MSI2: variants seen among roughly 807,000 people sequenced by gnomAD.
MSI2 encodes musashi RNA binding protein 2.
MSI2 carries 17 observed loss-of-function variants against 45.6 expected under a neutral mutation model. That is an observed-to-expected ratio of 0.37 (90% confidence interval 0.26 to 0.56). The LOEUF is 0.56. MSI2 is among the 20% of genes least tolerant of loss of function. The pLI, the probability that MSI2 is intolerant of heterozygous loss-of-function variation, is 0.77. For synonymous variants in MSI2, 156 were observed against 158.2 expected (o/e 0.99, Z 0.11); for missense variants, 293 against 444.2 (o/e 0.66, Z 3.06).
intron 6 of MSI2, chr17:57,449,169 A>T (rs2084951687): frequency 6.6e-6 from 1 of 152,318 alleles, no homozygotes; most frequent in African/African-American, 2.4e-5. Context: ...AGGAATGCCA[A>T]TACTGTGTCC....
chr17:57,690,360 C>T, the MSI2 span, among the ~76,000 whole-genome samples: 1 of 151,508 alleles, frequency 6.6e-6, no homozygotes, highest in Non-Finnish European at 1.5e-5. Context: ...CCTGTAATCT[C>T]AGCACTTTCA....
intron 6 of MSI2, among the ~76,000 whole-genome samples, chr17:57,493,812 G>T (rs893449120): frequency 6.6e-6 from 1 of 152,032 alleles, no homozygotes; most frequent in Admixed American, 6.6e-5. Flanking sequence ...TTTTCATGTG[G>T]GCATGAAAGT....
intron 9 of MSI2, among the ~76,000 whole-genome samples, chr17:57,623,826 G>T (rs570288460): frequency 6.6e-6 from 1 of 152,314 alleles, no homozygotes; most frequent in African/African-American, 2.4e-5. Flanking sequence ...TGAACCATTC[G>T]AGCAGAGCTG....
chr17:57,411,297 A>G (rs1437004298), intron 6 of MSI2, among the ~76,000 whole-genome samples: 1 of 152,166 alleles, frequency 6.6e-6, no homozygotes. Context: ...GTGAGCCACC[A>G]CACTCAGCCG....
intron 5 of MSI2, among the ~76,000 whole-genome samples, chr17:57,335,151 C>G (rs548871250): frequency 6.6e-6 from 1 of 152,070 alleles, no homozygotes; most frequent in Non-Finnish European, 1.5e-5. Context: ...GGTGTCTTCC[C>G]GAACCCCAGC....
intron 5 of MSI2, among the ~76,000 whole-genome samples, chr17:57,270,544 C>A (rs1209148907): frequency 6.6e-6 from 1 of 152,196 alleles, no homozygotes; most frequent in Non-Finnish European, 1.5e-5. Context: ...TACCTGTTTT[C>A]TGAGAGCTTG....
At chr17:57,464,464 A>G (rs1408251403) in intron 6 of MSI2, among the ~76,000 whole-genome samples, 1 of 152,146 alleles carries the variant, frequency 6.6e-6, no homozygotes, top group Middle Eastern at 3.2e-3. Flanking sequence ...AAGGAAAAGC[A>G]GAGGTGTCTT....
At chr17:57,502,636 T>TAGAGAGAGAGAGAGAG (rs1439981218) in intron 6 of MSI2, among the ~76,000 whole-genome samples, 4 of 96,902 alleles carry the variant, frequency 4.1e-5, no homozygotes, top group Non-Finnish European at 8.6e-5. Flanking sequence ...TATATATATA[T>TAGAGAGAGAGAGAGAG]AGTCATCATT....
chr17:57,448,377 TA>T (rs1567829327), intron 6 of MSI2: 1 of 152,206 alleles, frequency 6.6e-6, no homozygotes, highest in Non-Finnish European at 1.5e-5. Context: ...TAAGGACAAT[TA>T]AAAAGCTTTA....
intron 6 of MSI2, among the ~76,000 whole-genome samples, chr17:57,439,477 C>T (rs2084756324): frequency 6.6e-6 from 1 of 152,136 alleles, no homozygotes; most frequent in Non-Finnish European, 1.5e-5. Context: ...CCCACAGGGA[C>T]CTCCCTTGAG....
At chr17:57,272,035 G>A (rs1343188653) in intron 5 of MSI2, among the ~76,000 whole-genome samples, 2 of 152,166 alleles carry the variant, frequency 1.3e-5, no homozygotes, top group African/African-American at 4.8e-5. Flanking sequence ...TTAATGAGGT[G>A]ACCGCTCTGG....
At chr17:57,662,862 G>A (rs1185052599) in intron 11 of MSI2, among the ~76,000 whole-genome samples, 1 of 152,240 alleles carries the variant, frequency 6.6e-6, no homozygotes, top group African/African-American at 2.4e-5. Context: ...TCAGACCAAT[G>A]TCAGACAAAG....
chr17:57,598,467 G>T (rs1905486796), intron 8 of MSI2, among the ~76,000 whole-genome samples: 1 of 152,014 alleles, frequency 6.6e-6, no homozygotes, highest in Non-Finnish European at 1.5e-5. Flanking sequence ...ATTGTTCCTT[G>T]CCATCATATG....
intron 7 of MSI2, chr17:57,565,794 A>G (rs561299832): frequency 6.6e-6 from 1 of 152,342 alleles, no homozygotes; most frequent in Admixed American, 6.5e-5. Flanking sequence ...GAGGAAGGGA[A>G]GGCATTTCAG....
chr17:57,502,602 G>GATATAGATAT (rs2086131957), intron 6 of MSI2, among the ~76,000 whole-genome samples: 3 of 54,416 alleles, frequency 5.5e-5, no homozygotes, highest in African/African-American at 1.7e-4. Context: ...ATGACTCTGA[G>GATATAGATAT]ATATATATAT....
chr17:57,475,873 T>C (rs1475695619), intron 6 of MSI2, among the ~76,000 whole-genome samples: 1 of 152,162 alleles, frequency 6.6e-6, no homozygotes, highest in East Asian at 1.9e-4. Context: ...CAAGAATGCA[T>C]TTCAAACTCC....
At chr17:57,598,959 G>A (rs769405730) in intron 8 of MSI2, among the ~76,000 whole-genome samples, 11 of 152,196 alleles carry the variant, frequency 7.2e-5, no homozygotes, top group African/African-American at 2.2e-4. Context: ...CACTGTGCCC[G>A]ACCAGTACTA....
intron 7 of MSI2, among the ~76,000 whole-genome samples, chr17:57,581,002 A>ATTTTTTTTTTTTT (rs1567914151): frequency 5.2e-5 from 3 of 58,244 alleles, no homozygotes; most frequent in Non-Finnish European, 7.1e-5. Context: ...TGAGGTCAGC[A>ATTTTTTTTTTTTT]TCTTTTTTTT....
chr17:57,399,608 G>A (rs1397364544), intron 5 of MSI2, among the ~76,000 whole-genome samples: 1 of 150,942 alleles, frequency 6.6e-6, no homozygotes, highest in Admixed American at 6.6e-5. Context: ...CGAGCTCCAA[G>A]TTTGGGGTCA....
Sources: allele counts gnomAD v4.1 joint callset (sites outside exome capture counted in the v4.1 genomes callset), GRCh38; gene constraint gnomAD v4.1.1; transcripts MANE v1.5; gene names NCBI Gene and HGNC (gene_info 2026-07-23, HGNC 2026-07-21).